RABEP1: variants seen among roughly 807,000 people sequenced by gnomAD.
The protein encoded by RABEP1 is rab GTPase-binding effector protein 1.
In RABEP1, 51 loss-of-function variants were observed where a neutral mutation model predicts 123.4. That is an observed-to-expected ratio of 0.41 (90% CI 0.33 to 0.52). RABEP1 has a LOEUF of 0.52. Among genes scored for constraint, RABEP1 ranks in the 20% least tolerant of loss-of-function variants. The pLI, the probability that RABEP1 is intolerant of heterozygous loss-of-function variation, is 0.16. For missense variants in RABEP1, 888 were observed against 996.3 expected (o/e 0.89, Z 1.46); for synonymous variants, 347 against 355.2 (o/e 0.98, Z 0.26).
At chr17:5,330,364 A>G (rs1352458097) in intron 2 of RABEP1, among the ~76,000 whole-genome samples, 1 of 152,238 alleles carries the variant, frequency 6.6e-6, no homozygotes, top group Non-Finnish European at 1.5e-5. Context: ...TAAAGATTTC[A>G]AAACAACTTA....
At chr17:5,367,777 T>TG (rs1280773343) in intron 11 of RABEP1, among the ~76,000 whole-genome samples, 1 of 150,746 alleles carries the variant, frequency 6.6e-6, no homozygotes, top group Non-Finnish European at 1.5e-5. Flanking sequence ...AAACCCGAGA[T>TG]GGAGTTTTGC....
chr17:5,325,813 C>G (rs754933700), intron 2 of RABEP1, among the ~76,000 whole-genome samples: 1 of 151,736 alleles, frequency 6.6e-6, no homozygotes, highest in Non-Finnish European at 1.5e-5. Context: ...ATCACATGTA[C>G]TTTAACTATG....
chr17:5,330,743 C>T (rs965932801), intron 2 of RABEP1, among the ~76,000 whole-genome samples: 1 of 151,940 alleles, frequency 6.6e-6, no homozygotes, highest in African/African-American at 2.4e-5. Flanking sequence ...TAAGTTAAGG[C>T]CGGGCGCGGT....
In RABEP1 at chr17:5,314,234, C is replaced by CTTTTTTT. The variant is rs71151864; in HGVS notation, c.163+5432_163+5438dup. On this transcript the variant is annotated intron_variant, in intron 2 of 17. Transcript: ENST00000537505. ...GCCTGTTCTTTTCTTAGTACCTATT[C>CTTTTTTT]TTTTTTTTTTTTTTTTTTTTTTTTT... Among the ~76,000 whole-genome samples the CTTTTTTT allele has an allele frequency of 4.8e-3, 267 of 55,572 alleles. 26 individuals are homozygous for CTTTTTTT. Among genetic ancestry groups the CTTTTTTT allele is most frequent in the East Asian group, 7.8e-3 (11 of 1,412 alleles). The allele number at this position is 55,572 out of a possible 152,430, so 36.5% of individuals were successfully genotyped here.
At chr17:5,330,938 C>T (rs917153073) in intron 2 of RABEP1, among the ~76,000 whole-genome samples, 2 of 150,740 alleles carry the variant, frequency 1.3e-5, no homozygotes, top group African/African-American at 2.4e-5. Context: ...GTGGGGGGAT[C>T]GCTTGAGCCC....
chr17:5,385,343 C>T lies in RABEP1; in HGVS notation c.*2120C>T, dbSNP rs967068093. On this transcript the variant is annotated 3_prime_UTR_variant, in exon 18 of 18. Coordinates refer to ENST00000537505, the MANE Select transcript of RABEP1 (RefSeq NM_004703.6). ...GCTCAGTTGGGTTTCACGAGTGTTC[C>T]TGTGCTTATATTCAGTCTGTGCCTA... 8.7e-6 allele frequency: 2 copies of T among 230,746 alleles called. No individual in the cohort carries two copies. Among genetic ancestry groups the T allele is most frequent in the African/African-American group, 4.4e-5 (2 of 45,212 alleles). The allele number at this position is 230,746 out of a possible 1,614,324, so 14.3% of individuals were successfully genotyped here. A position where few individuals can be genotyped will look rare whatever the true frequency, so the allele number is the denominator to read the frequency against.
intron 17 of RABEP1, among the ~76,000 whole-genome samples, chr17:5,381,946 C>T (rs1041188254): frequency 6.6e-6 from 1 of 152,182 alleles, no homozygotes; most frequent in Non-Finnish European, 1.5e-5. Context: ...CTGTGGAGCT[C>T]TTCTAGGTCC....
chr17:5,323,779 AATATATATATATATCTAGGAATAT>A (rs201121525), intron 2 of RABEP1, among the ~76,000 whole-genome samples: 3 of 76,120 alleles, frequency 3.9e-5, no homozygotes, highest in Non-Finnish European at 4.7e-5. Flanking sequence ...TATATCTAGG[AATATATATATATATCTAGGAATAT>A]ATATATATAT....
At chr17:5,287,904 C>A (rs2074995301) in intron 1 of RABEP1, among the ~76,000 whole-genome samples, 1 of 151,422 alleles carries the variant, frequency 6.6e-6, no homozygotes, top group Non-Finnish European at 1.5e-5. Context: ...AGAGTAAGAC[C>A]CTGTCTCAAA....
At chr17:5,361,134 A>G (rs1909489958) in intron 8 of RABEP1, 74 bp from the exon 9 acceptor site, 1 of 1,271,984 alleles carries the variant, frequency 7.9e-7, no homozygotes, top group Non-Finnish European at 1.1e-6. Context: ...GTGGCGGAAT[A>G]CATTTATTAT....
intron 13 of RABEP1, among the ~76,000 whole-genome samples, chr17:5,375,985 G>C (rs1032075813): frequency 6.6e-6 from 1 of 152,020 alleles, no homozygotes; most frequent in African/African-American, 2.4e-5. Context: ...CAATTCTCCT[G>C]CCTCTGCCTC....
At chr17:5,368,865 G>C (rs531727035) in intron 12 of RABEP1, among the ~76,000 whole-genome samples, 3 of 152,046 alleles carry the variant, frequency 2.0e-5, no homozygotes, top group Non-Finnish European at 4.4e-5. Flanking sequence ...AACCTTATTA[G>C]GGCTGGGCTG....
intron 1 of RABEP1, among the ~76,000 whole-genome samples, chr17:5,302,143 C>T (rs979373734): frequency 2.0e-5 from 3 of 151,696 alleles, no homozygotes; most frequent in African/African-American, 4.8e-5. Context: ...GAGAAGAAAA[C>T]GGTGGGTGTG....
At chr17:5,318,775 AC>A (rs2075323009) in intron 2 of RABEP1, among the ~76,000 whole-genome samples, 1 of 152,228 alleles carries the variant, frequency 6.6e-6, no homozygotes, top group African/African-American at 2.4e-5. Flanking sequence ...CTACAGACTT[AC>A]ATCTGTCATG....
intron 2 of RABEP1, among the ~76,000 whole-genome samples, chr17:5,318,116 T>C (rs2075316465): frequency 6.6e-6 from 1 of 152,190 alleles, no homozygotes; most frequent in Non-Finnish European, 1.5e-5. Context: ...TGTGAGCCCA[T>C]TAACAAATTA....
At position 5,338,111 on chromosome 17, in the gene RABEP1, C is replaced by G. The variant is rs746615210; in HGVS notation, c.621C>G (p.Asp207Glu). The G allele has an allele frequency of 1.2e-6, 2 of 1,613,048 alleles. No individual in the cohort carries two copies. Among genetic ancestry groups the G allele is most frequent in the East Asian group, 2.2e-5 (1 of 44,836 alleles). ...AGGATAAACTGACAGAGGCTGAAGA[C>G]AAAATTAAAGAGCTGGAGGCCTCAA... ...ALKDKLTEAEDKIKELEASKV... is the reference protein window; with the variant it reads ...ALKDKLTEAEEKIKELEASKV... The change falls in exon 5 of 18, where the codon GAC becomes GAG. Residue 207 changes from aspartate to glutamate, a missense_variant. By Grantham distance (45) the Asp-to-Glu change is conservative. Coordinates refer to ENST00000537505, the MANE Select transcript of RABEP1 (RefSeq NM_004703.6).
intron 8 of RABEP1, among the ~76,000 whole-genome samples, chr17:5,357,107 A>ATC (rs950077750): frequency 6.6e-6 from 1 of 151,862 alleles, no homozygotes; most frequent in Non-Finnish European, 1.5e-5. Flanking sequence ...TGAACTCCTG[A>ATC]TCTCGTGATC....
Position 5,332,111 on chromosome 17 carries a change from A to G in RABEP1, c.326A>G (p.Gln109Arg). 6.2e-7 allele frequency: 1 copy of G among 1,614,166 alleles called. No homozygotes were observed. Among genetic ancestry groups the G allele is most frequent in the Non-Finnish European group, 8.5e-7 (1 of 1,180,026 alleles). ...KQEAIDEVKR[Q>R]WREEVASLQA... is the part of the protein sequence containing the mutation. ...GAAGCTATAGATGAAGTGAAAAGAC[A>G]GTGGAGAGAAGAAGTTGCTTCACTT... Residue 109 changes from glutamine (Q) to arginine (R), a missense_variant, in exon 3 of 18, where the codon CAG becomes CGG. Gln to Arg is a conservative substitution (Grantham distance 43). Transcript: ENST00000537505.
chr17:5,290,785 T>C (rs766423639), intron 1 of RABEP1, among the ~76,000 whole-genome samples: 3 of 151,896 alleles, frequency 2.0e-5, no homozygotes, highest in Non-Finnish European at 2.9e-5. Flanking sequence ...TAGTAGAGAG[T>C]GGGTTTCAAC....
Sources: gnomAD v4.1 joint callset for allele counts (sites outside exome capture counted in the v4.1 genomes callset) on GRCh38, gnomAD v4.1.1 for gene constraint, MANE v1.5 for transcripts, NCBI Gene and HGNC (gene_info 2026-07-23, HGNC 2026-07-21) for gene names.